AOX1: variants seen among roughly 807,000 people sequenced by gnomAD.
AOX1 encodes the protein aldehyde oxidase 1.
A neutral mutation model predicts 169.5 loss-of-function variants in AOX1; 153 were observed. The ratio of observed to expected loss-of-function variants is 0.90; its 90% CI spans 0.79 to 1.03. The LOEUF is 1.03. AOX1 is among the 50% of genes least tolerant of loss of function. AOX1 has a pLI of 0.00. For synonymous variants in AOX1, 562 were observed against 581.9 expected (o/e 0.97, Z 0.49); for missense variants, 1,656 against 1,663.9 (o/e 1.00, Z 0.08).
Position 200,586,027 on chromosome 2 carries a change from G to A in AOX1, c.-82G>A, listed in dbSNP as rs569825710. On this transcript the variant is annotated 5_prime_UTR_variant, in exon 1 of 35. It adds an upstream start codon to the 5' untranslated region. Coordinates refer to ENST00000374700, the MANE Select transcript of AOX1 (RefSeq NM_001159.4). ...AAGCCCCGCCCCACTCGGCGGGTCGGTGCCGCCGGGTCCCAGGTGCCCGCT... is the reference window on the plus strand; with the variant it reads ...AAGCCCCGCCCCACTCGGCGGGTCGATGCCGCCGGGTCCCAGGTGCCCGCT... The A allele has an allele frequency of 1.3e-6, 2 of 1,505,004 alleles. No homozygotes were observed. The highest frequency in any genetic ancestry group is 4.9e-5 in the East Asian group (2 of 40,478). The allele number at this position is 1,505,004 out of a possible 1,614,324, so 93.2% of individuals were successfully genotyped here.
At chr2:200,621,676 TTCTC>T (rs71405337) in intron 18 of AOX1, among the ~76,000 whole-genome samples, 1 of 149,130 alleles carries the variant, frequency 6.7e-6, no homozygotes, top group Admixed American at 6.7e-5. Context: ...AGTTCATTCA[TTCTC>T]TCTCTCTCTC....
At position 200,603,352 on chromosome 2, in the gene AOX1, G is replaced by T. The variant is rs770987381; in HGVS notation, c.584G>T (p.Ser195Ile). 6.2e-7 allele frequency: 1 copy of T among 1,612,322 alleles called. No homozygotes were observed. The highest frequency in any genetic ancestry group is 8.5e-7 in the Non-Finnish European group (1 of 1,178,488). ...GGATTGCCAGAATTTGAGGAAGGAA[G>T]TAAGGTCAGTGAAATGTAAAGCTTT... ...INGLPEFEEG[S>I]KTSPKLFAEE... Residue 195 changes from serine (S) to isoleucine (I), a missense_variant, in exon 7 of 35, where the codon AGT (serine) becomes ATT (isoleucine). By Grantham distance (142) the Ser-to-Ile change is moderately radical (BLOSUM62 -2). Transcript: ENST00000374700.
rs763272289 is a variant in AOX1 at position 200,668,665 on chromosome 2, G to A, written c.3660G>A (p.Leu1220=). ...TGGGACTTTATACAATAGAGGAACT[G>A]AATTATTCTCCCCAGGGCATTCTGC... The part of the protein sequence containing the change: ...QGMGLYTIEE[L]NYSPQGILHT... Residue 1220 remains leucine (L), a synonymous_variant, in exon 33 of 35, where the codon CTG becomes CTA. Coordinates refer to ENST00000374700, the MANE Select transcript of AOX1 (RefSeq NM_001159.4). 1.2e-6 allele frequency: 2 copies of A among 1,614,098 alleles called. No individual in the cohort carries two copies. Among genetic ancestry groups the A allele is most frequent in the South Asian group, 2.2e-5 (2 of 91,052 alleles).
intron 32 of AOX1, among the ~76,000 whole-genome samples, chr2:200,667,758 T>G (rs1417934416): frequency 4.9e-5 from 7 of 141,842 alleles, no homozygotes; most frequent in East Asian, 2.0e-4. Context: ...CTGCCAGGGG[T>G]GGGTGGAGGG....
chr2:200,656,913 G>A lies in AOX1; in HGVS notation c.3147G>A (p.Gln1049=), dbSNP rs1027975472. Residue 1049 remains glutamine (Q), a synonymous_variant, in exon 27 of 35, where the codon CAG becomes CAA. Coordinates refer to ENST00000374700, the MANE Select transcript of AOX1 (RefSeq NM_001159.4). ...CTCACGGTGGAATTGAAATGGGGCAGGGGGTCCACACTAAAATGATTCAGG... is the reference window on the plus strand; with the variant it reads ...CTCACGGTGGAATTGAAATGGGGCAAGGGGTCCACACTAAAATGATTCAGG... The part of the protein sequence containing the change: ...LVTHGGIEMG[Q]GVHTKMIQVV... 6 of 1,582,430 alleles carry A rather than the reference G, an allele frequency of 3.8e-6. No homozygotes were observed. In the African/African-American group the frequency reaches 6.8e-5, roughly 18 times the overall value.
Position 200,627,430 on chromosome 2 carries a change from G to A in AOX1, c.2202G>A (p.Val734=). The change falls in exon 20 of 35, where the codon GTG becomes GTA. Residue 734 remains valine (V), a synonymous_variant. Coordinates refer to ENST00000374700, the MANE Select transcript of AOX1 (RefSeq NM_001159.4). ...GAAATGTTGACGAAGCATTTAAAGT[G>A]GTTGATCAAATTCTTGAAGGTAAAA... ...EYGNVDEAFK[V]VDQILEGEIH... 2.5e-6 allele frequency: 4 copies of A among 1,613,116 alleles called. No homozygotes were observed. The highest frequency in any genetic ancestry group is 2.2e-5 in the East Asian group (1 of 44,878).
rs896880623 is a variant in AOX1, at chr2:200,651,188, G to A, written c.3062G>A (p.Arg1021His). The change falls in exon 26 of 35, where the codon CGT becomes CAT. Residue 1021 changes from arginine to histidine, a missense_variant. By Grantham distance (29) the Arg-to-His change is conservative (BLOSUM62 0). Coordinates refer to ENST00000374700, the MANE Select transcript of AOX1 (RefSeq NM_001159.4). ...PLKFPVGLGSRAAGQAAALVH... is the reference protein window; with the variant it reads ...PLKFPVGLGSHAAGQAAALVH... Reference sequence around the variant, plus strand: ...AAGTTTCCTGTTGGCCTTGGCTCACGTGCTGCTGGTCAGGTGAGTTCTCCA... The same window carrying A: ...AAGTTTCCTGTTGGCCTTGGCTCACATGCTGCTGGTCAGGTGAGTTCTCCA... 21 of 1,613,964 alleles carry A rather than the reference G, an allele frequency of 1.3e-5. No individual in the cohort carries two copies. Among genetic ancestry groups the A allele is most frequent in the African/African-American group, 1.2e-4 (9 of 74,918 alleles).
intron 26 of AOX1, among the ~76,000 whole-genome samples, chr2:200,655,375 G>C (rs2035662304): frequency 6.6e-6 from 1 of 152,056 alleles, no homozygotes; most frequent in South Asian, 2.1e-4. Context: ...TCTCTGTAGA[G>C]GAAAACTCTT....
rs756119874 is a variant in AOX1 at position 200,634,859 on chromosome 2, G to C, written c.2290G>C (p.Gly764Arg). 2 of 1,614,094 alleles carry C rather than the reference G, an allele frequency of 1.2e-6. No individual in the cohort carries two copies. The highest frequency in any genetic ancestry group is 8.5e-7 in the Non-Finnish European group (1 of 1,179,968). Residue 764 changes from glycine (G) to arginine (R), a missense_variant, in exon 21 of 35, where the codon GGA becomes CGA. By Grantham distance (125) the Gly-to-Arg change is moderately radical. Coordinates refer to ENST00000374700, the MANE Select transcript of AOX1 (RefSeq NM_001159.4). Reference sequence around the variant, plus strand: ...CCAAAGCATGCTTGTCGTTCCCAAGGGAGAGGATCAAGAAATGGATGTCTA... The same window carrying C: ...CCAAAGCATGCTTGTCGTTCCCAAGCGAGAGGATCAAGAAATGGATGTCTA... ...ETQSMLVVPK[G>R]EDQEMDVYVS...
At chr2:200,677,942 T>A (rs1178553505), downstream of AOX1, among the ~76,000 whole-genome samples, 4 of 152,190 alleles carry the variant, frequency 2.6e-5, no homozygotes, top group Non-Finnish European at 1.5e-5. Flanking sequence ...GTGCCCAAGA[T>A]CCCTCAATTA....
intron 23 of AOX1, among the ~76,000 whole-genome samples, chr2:200,638,942 C>A (rs2035297990): frequency 6.6e-6 from 1 of 152,132 alleles, no homozygotes; most frequent in African/African-American, 2.4e-5. Context: ...GGGGAGGATT[C>A]TGCTTTATAA....
chr2:200,598,713 C>G (rs2034340821), intron 4 of AOX1, among the ~76,000 whole-genome samples: 1 of 151,632 alleles, frequency 6.6e-6, no homozygotes, highest in Non-Finnish European at 1.5e-5. Flanking sequence ...CCACTGCACT[C>G]CAGCCTGGCA....
intron 29 of AOX1, 102 bp from the exon 30 acceptor site, chr2:200,661,477 T>G: frequency 1.1e-6 from 1 of 910,686 alleles, no homozygotes; most frequent in Non-Finnish European, 1.8e-6. Flanking sequence ...TTACTATTGC[T>G]GATAGTTTTA....
Position 200,642,780 on chromosome 2 carries a change from A to T in AOX1, c.2826A>T (p.Lys942Asn). The part of the protein sequence containing the change: ...TESCITEVAA[K>N]CGLSPEKVRI... ...CTTGTATCACGGAAGTTGCAGCCAA[A>T]TGTGGACTATCCCCTGAGAAGGTAA... The change falls in exon 25 of 35, where the codon AAA (lysine) becomes AAT (asparagine). Residue 942 changes from lysine (K) to asparagine (N), a missense_variant. Lys to Asn is a moderately conservative substitution (Grantham distance 94). Coordinates refer to ENST00000374700, the MANE Select transcript of AOX1 (RefSeq NM_001159.4). 1 of 1,613,798 alleles carries T rather than the reference A, an allele frequency of 6.2e-7. No homozygotes were observed. Among genetic ancestry groups the T allele is most frequent in the South Asian group, 1.1e-5 (1 of 90,976 alleles).
At chr2:200,677,958 C>T (rs1039970817), downstream of AOX1, among the ~76,000 whole-genome samples, 2 of 152,198 alleles carry the variant, frequency 1.3e-5, no homozygotes, top group African/African-American at 4.8e-5. Context: ...AATTAGCAAG[C>T]ACTAGAGGGA....
At chr2:200,623,365 A>G (rs1436160114) in intron 18 of AOX1, among the ~76,000 whole-genome samples, 1 of 152,202 alleles carries the variant, frequency 6.6e-6, no homozygotes, top group East Asian at 1.9e-4. Flanking sequence ...ACATCTTTTC[A>G]TGAAAAGACA....
intron 18 of AOX1, among the ~76,000 whole-genome samples, chr2:200,623,306 A>C (rs1383985180): frequency 2.0e-5 from 3 of 152,182 alleles, no homozygotes; most frequent in Non-Finnish European, 2.9e-5. Context: ...CCTAGCTGTC[A>C]ACCCCCCCAG....
At chr2:200,644,622 T>C (rs554841618) in intron 25 of AOX1, among the ~76,000 whole-genome samples, 4 of 152,312 alleles carry the variant, frequency 2.6e-5, no homozygotes, top group African/African-American at 9.6e-5. Flanking sequence ...TTGCACTGAA[T>C]TTGTAGATTG....
chr2:200,656,962 A>C, intron 27 of AOX1, 25 bp downstream of exon 27: 1 of 1,481,134 alleles, frequency 6.8e-7, no homozygotes, highest in South Asian at 1.3e-5. Context: ...AACTCGATTG[A>C]GTTGGGTGTG....
Sources: gnomAD v4.1 joint callset for allele counts (sites outside exome capture counted in the v4.1 genomes callset) on GRCh38, gnomAD v4.1.1 for gene constraint, MANE v1.5 for transcripts, NCBI Gene and HGNC (gene_info 2026-07-23, HGNC 2026-07-21) for gene names.